The following TTLL3 variants were observed in gnomAD, a reference collection of about 807,000 sequenced individuals.
The protein encoded by TTLL3 is tubulin monoglycylase TTLL3.
Under a neutral mutation model 75.2 loss-of-function variants are expected in TTLL3, and 63 were observed. The observed-to-expected ratio is 0.84, with a 90% CI of 0.68 to 1.03. The LOEUF (loss-of-function observed/expected upper bound fraction) is 1.03. Among genes scored for constraint, TTLL3 ranks in the 50% least tolerant of loss-of-function variants. TTLL3 has a pLI of 0.00. For synonymous variants in TTLL3, 393 were observed against 418.5 expected, an observed-to-expected ratio of 0.94 and a Z score of 0.74; for missense variants, 997 against 1,069.9, an observed-to-expected ratio of 0.93 and a Z score of 0.95.
chr3:9,814,277 A>G (rs1220964948), intron 4 of TTLL3, among the ~76,000 whole-genome samples: 1 of 152,122 alleles, frequency 6.6e-6, no homozygotes, highest in African/African-American at 2.4e-5. Flanking sequence ...TGGAAGTTGC[A>G]GTGAACTGAG....
chr3:9,812,995 T>C lies in TTLL3; in HGVS notation c.101T>C (p.Leu34Ser). 1 of 1,556,558 alleles carries C rather than the reference T, an allele frequency of 6.4e-7. No individual in the cohort carries two copies. Among genetic ancestry groups the C allele is most frequent in the Non-Finnish European group, 8.7e-7 (1 of 1,151,132 alleles). Residue 34 changes from leucine to serine, a missense_variant, in exon 3 of 14, where the codon TTG becomes TCG. Physicochemically the swap from Leu to Ser is moderately radical, Grantham distance 145. Coordinates refer to ENST00000685419, the MANE Select transcript of TTLL3 (RefSeq NM_001387446.1). ...TGCTACCCGGTGATCCGGTGTCTCT[T>C]GCGCCGGAGGGGCTGGGTGGAGAAG... ...QGCYPVIRCL[L>S]RRRGWVEKKM...
Position 9,817,653 on chromosome 3 carries a change from A to G in TTLL3, c.453A>G (p.Leu151=), listed in dbSNP as rs770083603. The part of the protein sequence containing the change: ...RAGSFTTKVG[L]CLNLRNLPWF... ...AGTGGCTAACTCCGTAGGTGGGTCT[A>G]TGTCTCAATCTCCGGAATTTGCCGT... is the stretch of plus-strand genomic sequence containing the variant. The change falls in exon 6 of 14, where the codon CTA becomes CTG. Residue 151 remains leucine, a synonymous_variant. Transcript: ENST00000685419. 2.5e-6 allele frequency: 4 copies of G among 1,614,054 alleles called. No homozygotes were observed. In the South Asian group the frequency reaches 3.3e-5, roughly 13 times the overall value.
intron 7 of TTLL3, 196 bp downstream of exon 7, chr3:9,819,116 C>A: frequency 1.5e-6 from 1 of 689,238 alleles, no homozygotes; most frequent in Non-Finnish European, 2.4e-6. Flanking sequence ...CGTATTCACC[C>A]ACTCTCTGAT....
At chr3:9,817,948 C>A in intron 6 of TTLL3, 189 bp downstream of exon 6, 1 of 714,152 alleles carries the variant, frequency 1.4e-6, no homozygotes, top group Non-Finnish European at 2.2e-6. Flanking sequence ...TTAGCTTGGT[C>A]AACTCTGACC....
chr3:9,830,790 T>C (rs988764324), intron 11 of TTLL3, among the ~76,000 whole-genome samples: 3 of 152,112 alleles, frequency 2.0e-5, no homozygotes, highest in African/African-American at 7.2e-5. Context: ...ATCTGCATTT[T>C]TCAAATGCCC....
In TTLL3 at chr3:9,810,550, G is replaced by T; in HGVS notation, c.-41-71G>T. 6.7e-7 allele frequency: 1 copy of T among 1,494,076 alleles called. No individual in the cohort carries two copies. Among genetic ancestry groups the T allele is most frequent in the South Asian group, 1.3e-5 (1 of 77,092 alleles). 92.6% of individuals were successfully genotyped at this position (1,494,076 alleles called of 1,614,324 possible). On this transcript the variant is annotated intron_variant, in intron 1 of 13. Coordinates refer to ENST00000685419, the MANE Select transcript of TTLL3 (RefSeq NM_001387446.1). This position sits in a 1 kb window ranked among gnomAD's most constrained non-coding sequence, Gnocchi z 4.4. ...AAAGAGGCGTGGCTATGGGCGGCCAGAAAAGATCCTAGGCCGAGACCCTAG... is the reference window on the plus strand; with the variant it reads ...AAAGAGGCGTGGCTATGGGCGGCCATAAAAGATCCTAGGCCGAGACCCTAG...
chr3:9,834,473 C>T (rs766177267), intron 12 of TTLL3: 10 of 830,996 alleles, frequency 1.2e-5, no homozygotes, highest in African/African-American at 1.7e-5. Flanking sequence ...TTGCACAGCT[C>T]AGAAGGGGCA....
chr3:9,815,009 G>A (rs778491184), intron 4 of TTLL3, among the ~76,000 whole-genome samples: 57 of 152,038 alleles, frequency 3.7e-4, no homozygotes, highest in Non-Finnish European at 5.4e-4. Flanking sequence ...AGGCCAAGGC[G>A]GGTGGATTAT....
At chr3:9,822,714 G>A (rs1023829472) in intron 8 of TTLL3, among the ~76,000 whole-genome samples, 6 of 128,778 alleles carry the variant, frequency 4.7e-5, no homozygotes, top group East Asian at 2.3e-4. Flanking sequence ...TACATATATC[G>A]TTGTATGTAT....
At chr3:9,833,341 A>G in intron 12 of TTLL3, 96 bp downstream of exon 12, 1 of 1,555,912 alleles carries the variant, frequency 6.4e-7, no homozygotes, top group Non-Finnish European at 8.7e-7. Context: ...CTCCACTGCC[A>G]CCACTTCAGC....
intron 12 of TTLL3, 173 bp from the exon 13 acceptor site, chr3:9,834,508 G>A: frequency 9.3e-7 from 1 of 1,079,924 alleles, no homozygotes; most frequent in Non-Finnish European, 1.4e-6. Context: ...ACCCAGGTCT[G>A]TTGGACTCTA....
intron 8 of TTLL3, chr3:9,825,337 C>CAA (rs34409771): frequency 5.8e-3 from 705 of 120,790 alleles, no homozygotes; most frequent in South Asian, 0.017. Flanking sequence ...GACCCTGTCT[C>CAA]AAAAAAAAAA....
At position 9,813,338 on chromosome 3, in the gene TTLL3, C is replaced by G. The variant is rs1426059542; in HGVS notation, c.308C>G (p.Ala103Gly). 6.2e-7 allele frequency: 1 copy of G among 1,614,160 alleles called. No individual in the cohort carries two copies. Among genetic ancestry groups the G allele is most frequent in the Non-Finnish European group, 8.5e-7 (1 of 1,180,044 alleles). ...TTTGATGACCTAGATGGAACACATG[C>G]TCTGATGGTGAGGGCCCTGGGGGCC... ...LKFDDLDGTH[A>G]LMSRMVQNEI... Residue 103 changes from alanine (A) to glycine (G), a missense_variant, in exon 4 of 14, where the codon GCT (alanine) becomes GGT (glycine). By Grantham distance (60) the Ala-to-Gly change is moderately conservative. Transcript: ENST00000685419.
rs1176639857 is a variant in TTLL3, at chr3:9,817,760, G to C, written c.559+1G>C. On this transcript the variant is annotated splice_donor_variant, in intron 6 of 13. Transcript: ENST00000685419. LOFTEE classifies it high-confidence loss of function. Reference sequence around the variant, plus strand: ...GAGGATGACAAAAAAGCCTTCATAGGTAAGGAGACCCCCAGCCCTATGCCT... The same window carrying C: ...GAGGATGACAAAAAAGCCTTCATAGCTAAGGAGACCCCCAGCCCTATGCCT... 3.1e-6 allele frequency: 5 copies of C among 1,614,022 alleles called. No individual in the cohort carries two copies. The highest frequency in any genetic ancestry group is 4.2e-6 in the Non-Finnish European group (5 of 1,180,016).
rs756890808 is a variant in TTLL3, at chr3:9,827,137, C to T, written c.1144C>T (p.Gln382Ter). Residue 382 changes from glutamine (Q) to a stop codon, truncating the protein, a stop_gained, in exon 10 of 14, where the codon CAG becomes TAG. Transcript: ENST00000685419. LOFTEE classifies it high-confidence loss of function. ...LIFGTKFDLRQWFLVTDWNPL... is the reference protein window; with the variant it reads ...LIFGTKFDLR Reference sequence around the variant, plus strand: ...CTTTGGCACCAAGTTTGACCTCAGACAGTGGTTCCTGGTAACTGACTGGAA... The same window carrying T: ...CTTTGGCACCAAGTTTGACCTCAGATAGTGGTTCCTGGTAACTGACTGGAA... 1 of 1,614,250 alleles carries T rather than the reference C, an allele frequency of 6.2e-7. No individual in the cohort carries two copies. Among genetic ancestry groups the T allele is most frequent in the South Asian group, 1.1e-5 (1 of 91,084 alleles).
chr3:9,835,568 T>TC lies in TTLL3; in HGVS notation c.*84dup, dbSNP rs1559231171. The TC allele has an allele frequency of 7.4e-7, 1 of 1,359,212 alleles. No homozygotes were observed. The allele number at this position is 1,359,212 out of a possible 1,614,324, so 84.2% of individuals were successfully genotyped here. A position where few individuals can be genotyped will look rare whatever the true frequency, so the allele number is the denominator to read the frequency against. ...GACATGGGGCTTCCTATTTAGGGAC[T>TC]CCCCCAGCATCTCCGATCCAGGGGT... On this transcript the variant is annotated 3_prime_UTR_variant, in exon 14 of 14. Transcript: ENST00000685419.
At position 9,813,355 on chromosome 3, in the gene TTLL3, C is replaced by T. The variant is rs1197922649; in HGVS notation, c.315+10C>T. The T allele has an allele frequency of 1.2e-6, 2 of 1,613,702 alleles. No individual in the cohort carries two copies. The highest frequency in any genetic ancestry group is 1.7e-6 in the Non-Finnish European group (2 of 1,179,990). On this transcript the variant is annotated intron_variant, in intron 4 of 13. Coordinates refer to ENST00000685419, the MANE Select transcript of TTLL3 (RefSeq NM_001387446.1). Reference sequence around the variant, plus strand: ...AACACATGCTCTGATGGTGAGGGCCCTGGGGGCCAAGATGATACAGGGACT... The same window carrying T: ...AACACATGCTCTGATGGTGAGGGCCTTGGGGGCCAAGATGATACAGGGACT...
chr3:9,826,886 C>G (rs2081093552), intron 9 of TTLL3, 111 bp from the exon 10 acceptor site: 1 of 1,542,414 alleles, frequency 6.5e-7, no homozygotes. Flanking sequence ...GGGAGACAGC[C>G]TTACCCACTC....
At position 9,827,201 on chromosome 3, in the gene TTLL3, G is replaced by A. The variant is rs756738174; in HGVS notation, c.1208G>A (p.Arg403His). 2.7e-5 allele frequency: 44 copies of A among 1,614,070 alleles called. No homozygotes were observed. The highest frequency in any genetic ancestry group is 1.2e-4 in the African/African-American group (9 of 74,948). The change falls in exon 10 of 14, where the codon CGC becomes CAC. Residue 403 changes from arginine to histidine, a missense_variant. Arg to His is a conservative substitution (Grantham distance 29). Coordinates refer to ENST00000685419, the MANE Select transcript of TTLL3 (RefSeq NM_001387446.1). ...TVWFYRDSYI[R>H]FSTQPFSLKN... ...TGGTTCTACCGCGACAGCTATATCC[G>A]CTTTTCCACGCAGCCCTTCTCCCTG...
Sources: gnomAD v4.1 joint callset for allele counts (sites outside exome capture counted in the v4.1 genomes callset) on GRCh38, gnomAD v4.1.1 for gene constraint, Gnocchi (gnomAD v3.1) non-coding constraint, MANE v1.5 for transcripts, NCBI Gene and HGNC (gene_info 2026-07-23, HGNC 2026-07-21) for gene names.